CPT1B: variants seen among roughly 807,000 people sequenced by gnomAD.
The protein encoded by CPT1B is carnitine O-palmitoyltransferase 1, muscle isoform.
Under a neutral mutation model 92.7 loss-of-function variants are expected in CPT1B, and 57 were observed. That is an observed-to-expected ratio of 0.62 (90% CI 0.50 to 0.77). The LOEUF (loss-of-function observed/expected upper bound fraction) is 0.77, where lower values mean the gene tolerates loss of function less well. Among genes scored for constraint, CPT1B ranks in the 30% least tolerant of loss-of-function variants. CPT1B has a pLI of 0.00. For synonymous variants in CPT1B, 398 were observed against 383.5 expected, an observed-to-expected ratio of 1.04 and a Z score of -0.44; for missense variants, 983 against 1,017.4, an observed-to-expected ratio of 0.97 and a Z score of 0.46.
chr22:50,575,174 C>A (rs774138018), intron 7 of CPT1B, among the ~76,000 whole-genome samples: 1 of 151,922 alleles, frequency 6.6e-6, no homozygotes, highest in East Asian at 1.9e-4. Flanking sequence ...CCACCACGCC[C>A]GGCTAATTTT....
intron 7 of CPT1B, 102 bp from the exon 8 acceptor site, chr22:50,574,702 T>C (rs181928135): frequency 1.0e-4 from 89 of 857,982 alleles, no homozygotes; most frequent in Non-Finnish European, 1.8e-5. Flanking sequence ...AGGTGTTCTG[T>C]CTCCCTCTTC....
rs555279772 is a variant in CPT1B at position 50,573,381 on chromosome 22, C to T, written c.1166+139G>A. On this transcript the variant is annotated intron_variant, in intron 10 of 19. Transcript: ENST00000312108. The surrounding 1 kb of genome is among the most constrained non-coding windows in gnomAD (Gnocchi z 5.0). ...GTCAGAGGTAGGTTATGCTGGCTGT[C>T]CTGCTGCCATGACCACCAATGCCCC... 2.6e-6 allele frequency: 2 copies of T among 775,358 alleles called. No homozygotes were observed. The highest frequency in any genetic ancestry group is 4.1e-6 in the Non-Finnish European group (2 of 490,304). The allele number at this position is 775,358 out of a possible 1,614,324, so 48.0% of individuals were successfully genotyped here.
chr22:50,573,142 G>C lies in CPT1B; in HGVS notation c.1167-82C>G. ...TGAGGGCCTGGCTGGACCTGGAGAT[G>C]GGGGTGGGGTGCCAGGCTGGACCTG... On this transcript the variant is annotated intron_variant, in intron 10 of 19. Coordinates refer to ENST00000312108, the MANE Select transcript of CPT1B (RefSeq NM_152246.3). This position sits in a 1 kb window ranked among gnomAD's most constrained non-coding sequence, Gnocchi z 5.0. The C allele has an allele frequency of 7.9e-7, 1 of 1,259,336 alleles. No individual in the cohort carries two copies. The highest frequency in any genetic ancestry group is 1.4e-5 in the South Asian group (1 of 71,990). The allele number at this position is 1,259,336 out of a possible 1,614,324, so 78.0% of individuals were successfully genotyped here.
chr22:50,570,475 G>T, intron 16 of CPT1B, 69 bp from the exon 17 acceptor site: 2 of 1,237,252 alleles, frequency 1.6e-6, no homozygotes, highest in South Asian at 1.4e-5. Flanking sequence ...TGGTGTCTGC[G>T]ACCTACTCTG....
At position 50,577,941 on chromosome 22, in the gene CPT1B, C is replaced by G. The variant is rs200717488; in HGVS notation, c.-19-7G>C. ...CCTGGGGGTTGGTCGGCACCTAGGA[C>G]GGGGGCAGATGGGTGCGCGGGCGCG... On this transcript the variant is annotated splice_region_variant and splice_polypyrimidine_tract_variant and intron_variant, in intron 1 of 19. Coordinates refer to ENST00000312108, the MANE Select transcript of CPT1B (RefSeq NM_152246.3). 8.1e-6 allele frequency: 13 copies of G among 1,598,220 alleles called. No homozygotes were observed. The Admixed American group carries it at 2.0e-4, about 25-fold the overall frequency.
intron 4 of CPT1B, 92 bp from the exon 5 acceptor site, chr22:50,576,729 C>A (rs1466890951): frequency 1.3e-6 from 2 of 1,555,330 alleles, no homozygotes; most frequent in Non-Finnish European, 8.8e-7. Context: ...GCCATCCCAG[C>A]CCCTCCAGGA....
In CPT1B at chr22:50,572,919, G is replaced by A. The variant is rs34744246; in HGVS notation, c.1308C>T (p.Leu436=). ...YSYDPEDEAS[L]SLYGKALLHG... The stretch of plus-strand genomic sequence containing the variant: ...GTAGCAGGGCCTTGCCATAGAGGCT[G>A]AGGCTGGCCTCATCTTCGGGGTCAT... The change falls in exon 11 of 20, where the codon CTC becomes CTT. Residue 436 remains leucine, a synonymous_variant. Coordinates refer to ENST00000312108, the MANE Select transcript of CPT1B (RefSeq NM_152246.3). 0.031 allele frequency: 50,142 copies of A among 1,613,118 alleles called. 1,003 individuals are homozygous for A. Among genetic ancestry groups the A allele is most frequent in the South Asian group, 0.066 (6,000 of 91,078 alleles).
chr22:50,577,986 C>T, intron 1 of CPT1B, 52 bp from the exon 2 acceptor site: 3 of 1,404,380 alleles, frequency 2.1e-6, no homozygotes, highest in Non-Finnish European at 2.8e-6. Context: ...GCCCCGCCGC[C>T]AGCCGCGCCG....
rs528011504 is a variant in CPT1B at position 50,569,437 on chromosome 22, G to A, written c.2236-16C>T. 26 of 1,613,908 alleles carry A rather than the reference G, an allele frequency of 1.6e-5. No homozygotes were observed. The South Asian group carries it at 2.1e-4, about 13-fold the overall frequency. ...GCTGGGCGTTCTGTGGGAGCCAAGA[G>A]TTCAGATGCACCTTCAGATATGTAC... On this transcript the variant is annotated splice_polypyrimidine_tract_variant and intron_variant, in intron 18 of 19. Coordinates refer to ENST00000312108, the MANE Select transcript of CPT1B (RefSeq NM_152246.3).
At chr22:50,570,769 G>C in intron 16 of CPT1B, 122 bp downstream of exon 16, 2 of 1,352,530 alleles carry the variant, frequency 1.5e-6, no homozygotes, top group South Asian at 2.7e-5. Context: ...AGCTGGCCCA[G>C]CACTCCAGGG....
chr22:50,570,910 C>T lies in CPT1B; in HGVS notation c.2009G>A (p.Ser670Asn), dbSNP rs565468231. 5.0e-5 allele frequency: 81 copies of T among 1,613,664 alleles called. No homozygotes were observed. Among genetic ancestry groups the T allele is most frequent in the East Asian group, 1.6e-4 (7 of 44,888 alleles). ...LYLVSKYLGV[S>N]SPFLAEVLSE... ...GCTGACCTCAGCAAGGAAAGGAGAG[C>T]TGACTCCTAGGTACTTGGAGACCAA... The change falls in exon 16 of 20, where the codon AGC (serine) becomes AAC (asparagine). Residue 670 changes from serine (S) to asparagine (N), a missense_variant. Physicochemically the swap from Ser to Asn is conservative, Grantham distance 46. Coordinates refer to ENST00000312108, the MANE Select transcript of CPT1B (RefSeq NM_152246.3).
rs760862296 is a variant in CPT1B, at chr22:50,576,282, C to T, written c.615G>A (p.Glu205=). The change falls in exon 6 of 20, where the codon GAG becomes GAA. Residue 205 remains glutamate (E), a synonymous_variant. Coordinates refer to ENST00000312108, the MANE Select transcript of CPT1B (RefSeq NM_152246.3). ...LLDDEEYYRM[E]LLAKEFQDKT... is the part of the protein sequence containing the mutation. ...TGTCCTGGAATTCTTTGGCCAGCAA[C>T]TCCATGCGGTAATATTCCTCATCAT... The T allele has an allele frequency of 1.9e-6, 3 of 1,614,120 alleles. No homozygotes were observed. In the South Asian group the frequency reaches 3.3e-5, roughly 18 times the overall value.
At chr22:50,569,251 C>T in intron 19 of CPT1B, 85 bp downstream of exon 19, 2 of 1,367,878 alleles carry the variant, frequency 1.5e-6, no homozygotes, top group Non-Finnish European at 2.0e-6. Flanking sequence ...GGCACCTGTG[C>T]ACGGCCACCC....
At chr22:50,571,811 A>G in intron 13 of CPT1B, 195 bp downstream of exon 13, 1 of 681,918 alleles carries the variant, frequency 1.5e-6, no homozygotes. Context: ...AGATGGCCCC[A>G]GGGGCGGTGG....
At position 50,576,250 on chromosome 22, in the gene CPT1B, G is replaced by A. The variant is rs2070428187; in HGVS notation, c.647C>T (p.Ala216Val). The A allele has an allele frequency of 6.2e-7, 1 of 1,614,082 alleles. No homozygotes were observed. The highest frequency in any genetic ancestry group is 1.3e-5 in the African/African-American group (1 of 75,008). Residue 216 changes from alanine to valine, a missense_variant, in exon 6 of 20, where the codon GCC becomes GTC. Ala to Val is a moderately conservative substitution (Grantham distance 64). Transcript: ENST00000312108. The part of the protein sequence containing the change: ...LLAKEFQDKT[A>V]PRLQKYLVLK... Reference sequence around the variant, plus strand: ...CACCAGGTATTTCTGCAGCCTGGGGGCAGTCTTGTCCTGGAATTCTTTGGC... The same window carrying A: ...CACCAGGTATTTCTGCAGCCTGGGGACAGTCTTGTCCTGGAATTCTTTGGC...
At chr22:50,569,310 G>C in intron 19 of CPT1B, 26 bp downstream of exon 19, 1 of 1,610,988 alleles carries the variant, frequency 6.2e-7, no homozygotes, top group African/African-American at 1.3e-5. Context: ...GTGTGGGGAC[G>C]AAAGGGCAGC....
Position 50,574,486 on chromosome 22 carries a change from A to G in CPT1B, c.885+7T>C, listed in dbSNP as rs1158256794. The G allele has an allele frequency of 1.9e-6, 3 of 1,614,034 alleles. No homozygotes were observed. Among genetic ancestry groups the G allele is most frequent in the Non-Finnish European group, 2.5e-6 (3 of 1,179,928 alleles). On this transcript the variant is annotated splice_region_variant and intron_variant, in intron 8 of 19. Coordinates refer to ENST00000312108, the MANE Select transcript of CPT1B (RefSeq NM_152246.3). ...CCCATCCCACCTTCAACCCTGACGCAACTCACAGGCTTGATTTCTTCACGG... is the reference window on the plus strand; with the variant it reads ...CCCATCCCACCTTCAACCCTGACGCGACTCACAGGCTTGATTTCTTCACGG...
chr22:50,577,916 C>T lies in CPT1B; in HGVS notation c.-1G>A, dbSNP rs552195478. 1 of 1,607,740 alleles carries T rather than the reference C, an allele frequency of 6.2e-7. No individual in the cohort carries two copies. Among genetic ancestry groups the T allele is most frequent in the South Asian group, 1.1e-5 (1 of 91,022 alleles). On this transcript the variant is annotated 5_prime_UTR_variant, in exon 2 of 20. Coordinates refer to ENST00000312108, the MANE Select transcript of CPT1B (RefSeq NM_152246.3). ...CCACGGCCTGGTGAGCTTCCGCCAT[C>T]CTGGGGGTTGGTCGGCACCTAGGAC...
intron 4 of CPT1B, 70 bp downstream of exon 4, chr22:50,576,787 C>T: frequency 2.5e-6 from 4 of 1,596,756 alleles, no homozygotes; most frequent in South Asian, 1.1e-5. Flanking sequence ...TCCCGTCTAG[C>T]TCAGAACCCC....
Sources: allele counts gnomAD v4.1 joint callset (sites outside exome capture counted in the v4.1 genomes callset), GRCh38; gene constraint gnomAD v4.1.1; non-coding constraint Gnocchi (gnomAD v3.1); transcripts MANE v1.5; gene names NCBI Gene and HGNC (gene_info 2026-07-23, HGNC 2026-07-21).